TRRAP: variants seen among roughly 807,000 people sequenced by gnomAD.
The protein encoded by TRRAP is transformation/transcription domain-associated protein.
TRRAP carries 41 observed loss-of-function variants against 438.8 expected under a neutral mutation model. The observed-to-expected ratio is 0.09, with a 90% CI of 0.07 to 0.12. TRRAP has a LOEUF of 0.12. TRRAP is among the 10% of genes least tolerant of loss of function. The pLI, the probability that TRRAP is intolerant of heterozygous loss-of-function variation, is 1.00. For missense variants in TRRAP, 3,122 were observed against 5,055.1 expected (o/e 0.62, Z 11.60); for synonymous variants, 1,994 against 1,962.9 (o/e 1.02, Z -0.42).
intron 46 of TRRAP, among the ~76,000 whole-genome samples, 176 bp downstream of exon 46, chr7:98,961,650 T>C (rs1791896929): frequency 6.6e-6 from 1 of 152,264 alleles, no homozygotes; most frequent in African/African-American, 2.4e-5. Flanking sequence ...CCGGGTGTGG[T>C]GGCTCACGCC....
chr7:99,004,975 C>T (rs1456582740), intron 68 of TRRAP, among the ~76,000 whole-genome samples, 156 bp from the exon 69 acceptor site: 1 of 152,186 alleles, frequency 6.6e-6, no homozygotes, highest in Admixed American at 6.5e-5. Flanking sequence ...ATTTACACCG[C>T]ATCAGGGTGA....
rs782282374 is a variant in TRRAP at position 98,886,297 on chromosome 7, A to G, written c.151-4038A>G. Among the ~76,000 whole-genome samples, 3 of 151,992 alleles carry G rather than the reference A, an allele frequency of 2.0e-5. No homozygotes were observed. The South Asian group carries it at 6.2e-4, about 32-fold the overall frequency. On this transcript the variant is annotated intron_variant, in intron 3 of 72. Transcript: ENST00000456197. ...AATATATCTATATCTATATCTATCT[A>G]TCATAGATATAGATATCTATATAGA...
In TRRAP at chr7:98,981,822, A is replaced by G. The variant is rs1484082163; in HGVS notation, c.8688A>G (p.Gly2896=). 6.2e-6 allele frequency: 10 copies of G among 1,604,972 alleles called. No homozygotes were observed. Among genetic ancestry groups the G allele is most frequent in the South Asian group, 2.2e-5 (2 of 88,956 alleles). ...CCTGGAAGGTGAACATGTACCGCGG[A>G]TACCTGGCCATCTGCCACCCCGAGG... ...EMAWKVNMYR[G]YLAICHPEEQ... Residue 2896 remains glycine (G), a synonymous_variant, in exon 59 of 73, where the codon GGA becomes GGG. Transcript: ENST00000456197.
intron 11 of TRRAP, among the ~76,000 whole-genome samples, chr7:98,901,671 C>T (rs1796474677): frequency 6.6e-6 from 1 of 152,178 alleles, no homozygotes. Flanking sequence ...GCCTCAGCCA[C>T]TCGAGTAGCT....
intron 48 of TRRAP, 151 bp downstream of exon 48, chr7:98,964,926 T>C: frequency 1.9e-6 from 2 of 1,063,158 alleles, no homozygotes; most frequent in South Asian, 2.1e-5. Flanking sequence ...CTCTTCAATG[T>C]AGGGGTTTAA....
chr7:98,991,067 C>T (rs1375290178), intron 64 of TRRAP, among the ~76,000 whole-genome samples: 1 of 152,156 alleles, frequency 6.6e-6, no homozygotes, highest in Non-Finnish European at 1.5e-5. Context: ...AGTTGAGCTG[C>T]ATCATAAGGA....
At chr7:98,906,139 T>G (rs782745108) in intron 12 of TRRAP, 38 bp from the exon 13 acceptor site, 1 of 1,592,818 alleles carries the variant, frequency 6.3e-7, no homozygotes, top group South Asian at 1.1e-5. Flanking sequence ...TGTAATTGGT[T>G]TTGTTAGTGA....
At position 98,994,084 on chromosome 7, in the gene TRRAP, A is replaced by G. The variant is rs978937694; in HGVS notation, c.10047+347A>G. Among the ~76,000 whole-genome samples the G allele has an allele frequency of 9.9e-5, 15 of 152,168 alleles. No individual in the cohort carries two copies. The highest frequency in any genetic ancestry group is 3.6e-4 in the African/African-American group (15 of 41,446). On this transcript the variant is annotated intron_variant, in intron 66 of 72. Transcript: ENST00000456197. The surrounding 1 kb of genome is among the most constrained non-coding windows in gnomAD (Gnocchi z 4.8). ...GGGTTATAATTTCCATAGATGGGAA[A>G]TTGTAGGGATGTGGGGTCTTTTCAG... is the stretch of plus-strand genomic sequence containing the variant.
At chr7:98,978,978 T>G in intron 58 of TRRAP, 74 bp downstream of exon 58, 2 of 1,585,870 alleles carry the variant, frequency 1.3e-6, no homozygotes, top group Non-Finnish European at 1.7e-6. Context: ...TCTTGGGAGA[T>G]TTCCCTTAGA....
intron 53 of TRRAP, among the ~76,000 whole-genome samples, chr7:98,973,389 G>GCC (rs1212472156): frequency 2.0e-5 from 3 of 152,312 alleles, no homozygotes; most frequent in African/African-American, 7.2e-5. Context: ...AGGTGCCTGG[G>GCC]CCTCAGTTTT....
At chr7:99,009,236 C>T (rs1253037654) in intron 70 of TRRAP, among the ~76,000 whole-genome samples, 1 of 152,084 alleles carries the variant, frequency 6.6e-6, no homozygotes, top group African/African-American at 2.4e-5. Context: ...CACCCAGGGG[C>T]AGCTGTTTTG....
intron 5 of TRRAP, 54 bp downstream of exon 5, chr7:98,892,582 A>G (rs1393060829): frequency 7.2e-7 from 1 of 1,389,454 alleles, no homozygotes; most frequent in Non-Finnish European, 9.9e-7. Context: ...ACTTTCACTG[A>G]TTTTTCTTAT....
intron 37 of TRRAP, 89 bp from the exon 38 acceptor site, chr7:98,949,975 G>A (rs1034609293): frequency 1.3e-5 from 20 of 1,581,700 alleles, no homozygotes; most frequent in Non-Finnish European, 1.6e-5. Flanking sequence ...AATGGGCTGT[G>A]TCTCTGAGCT....
chr7:98,927,278 T>C lies in TRRAP; in HGVS notation c.3087T>C (p.Ala1029=). ...EQALTGAFMS[A]VIKDLRPSAL... is the part of the protein sequence containing the mutation. ...CCCTGACAGGCGCCTTCATGTCTGCTGTCATTAAGGACCTGCGGCCCAGCG... is the reference window on the plus strand; with the variant it reads ...CCCTGACAGGCGCCTTCATGTCTGCCGTCATTAAGGACCTGCGGCCCAGCG... Residue 1029 remains alanine, a synonymous_variant, in exon 23 of 73, where the codon GCT becomes GCC. Coordinates refer to ENST00000456197, the MANE Select transcript of TRRAP (RefSeq NM_001375524.1). The C allele has an allele frequency of 6.2e-7, 1 of 1,614,256 alleles. No individual in the cohort carries two copies. The highest frequency in any genetic ancestry group is 8.5e-7 in the Non-Finnish European group (1 of 1,180,046).
At chr7:98,897,581 G>A (rs1776327760) in intron 7 of TRRAP, among the ~76,000 whole-genome samples, 160 bp from the exon 8 acceptor site, 1 of 152,078 alleles carries the variant, frequency 6.6e-6, no homozygotes, top group Non-Finnish European at 1.5e-5. Flanking sequence ...GAATGGCTGA[G>A]CCTAAATACT....
At chr7:98,924,338 CTGTATTAAAGCTGTAT>C (rs1343406439) in intron 21 of TRRAP, among the ~76,000 whole-genome samples, 1 of 151,690 alleles carries the variant, frequency 6.6e-6, no homozygotes, top group Non-Finnish European at 1.5e-5. Flanking sequence ...CCTATTAAAG[CTGTATTAAAGCTGTAT>C]TGTATTAAAG....
At chr7:98,949,260 T>G (rs1791221489) in intron 35 of TRRAP, among the ~76,000 whole-genome samples, 157 bp from the exon 36 acceptor site, 1 of 152,098 alleles carries the variant, frequency 6.6e-6, no homozygotes, top group Non-Finnish European at 1.5e-5. Flanking sequence ...AAAAAGCATC[T>G]TTTTAAAAAG....
chr7:98,995,513 A>G (rs1793612119), intron 67 of TRRAP, among the ~76,000 whole-genome samples: 1 of 152,038 alleles, frequency 6.6e-6, no homozygotes, highest in South Asian at 2.1e-4. Flanking sequence ...TCTGTAGTTC[A>G]GATTAATGCG....
At chr7:98,957,207 C>G (rs1270344699) in intron 43 of TRRAP, among the ~76,000 whole-genome samples, 2 of 152,234 alleles carry the variant, frequency 1.3e-5, no homozygotes, top group Non-Finnish European at 2.9e-5. Context: ...ACACTGTGGT[C>G]CCAGTCTCTG....
Sources: gnomAD v4.1 joint callset for allele counts (sites outside exome capture counted in the v4.1 genomes callset) on GRCh38, gnomAD v4.1.1 for gene constraint, Gnocchi (gnomAD v3.1) non-coding constraint, MANE v1.5 for transcripts, NCBI Gene and HGNC (gene_info 2026-07-23, HGNC 2026-07-21) for gene names.